FHIT: variants seen among roughly 807,000 people sequenced by gnomAD.
The protein encoded by FHIT is bis(5'-adenosyl)-triphosphatase.
A neutral mutation model predicts 17.9 loss-of-function variants in FHIT; 19 were observed. The observed-to-expected ratio is 1.06, with a 90% CI of 0.74 to 1.56. The LOEUF is 1.56. Ranked by LOEUF, FHIT falls within the 40% of genes most tolerant of loss-of-function variation. The pLI is 0.00. For synonymous variants in FHIT, 81 were observed against 69.7 expected (o/e 1.16, Z -0.81); for missense variants, 248 against 189.2 (o/e 1.31, Z -1.82).
intron 4 of FHIT, among the ~76,000 whole-genome samples, chr3:60,699,101 C>G (rs1261759070): frequency 6.6e-6 from 1 of 152,088 alleles, no homozygotes; most frequent in South Asian, 2.1e-4. Flanking sequence ...ATGGGTATCT[C>G]TGTGTGTGTA....
chr3:59,996,190 GTATT>G (rs780607195), intron 7 of FHIT, among the ~76,000 whole-genome samples: 56 of 152,092 alleles, frequency 3.7e-4, no homozygotes, highest in Non-Finnish European at 7.8e-4. Flanking sequence ...ACAGCAGGGG[GTATT>G]ATTATTCCAA....
rs1157024624 is a variant in FHIT, at chr3:60,722,707, C to CTTT, written c.-18+99209_-18+99211dup. 4.9e-3 allele frequency among the ~76,000 whole-genome samples: 516 copies of CTTT among 104,904 alleles called. 4 individuals are homozygous for CTTT. The highest frequency in any genetic ancestry group is 0.011 in the African/African-American group (289 of 27,242). The allele number at this position is 104,904 out of a possible 152,430, so 68.8% of individuals were successfully genotyped here. A position where few individuals can be genotyped will look rare whatever the true frequency, so the allele number is the denominator to read the frequency against. ...CTGGTTGAAAACTGTTACCTTAAAT[C>CTTT]TTTTTTTTTTTTTTTTTTTTTTTTA... On this transcript the variant is annotated intron_variant, in intron 4 of 9. Transcript: ENST00000492590.
chr3:60,656,335 T>C (rs2040114836), intron 4 of FHIT, among the ~76,000 whole-genome samples: 1 of 152,208 alleles, frequency 6.6e-6, no homozygotes. Context: ...TATTGTTTTC[T>C]ATATAAGCTG....
intron 5 of FHIT, among the ~76,000 whole-genome samples, chr3:60,313,847 A>G (rs1296743216): frequency 4.6e-5 from 7 of 152,360 alleles, no homozygotes; most frequent in African/African-American, 1.4e-4. Flanking sequence ...TGGCCCCAGA[A>G]AAGTCTTCAA....
intron 1 of FHIT, among the ~76,000 whole-genome samples, chr3:61,236,208 ATAT>A (rs1002162936): frequency 4.1e-5 from 6 of 148,022 alleles, no homozygotes; most frequent in Non-Finnish European, 7.4e-5. Flanking sequence ...ATAGTATATT[ATAT>A]TATATGTTAT....
chr3:60,143,092 T>C (rs1280465041), intron 5 of FHIT, among the ~76,000 whole-genome samples: 1 of 152,162 alleles, frequency 6.6e-6, no homozygotes, highest in Non-Finnish European at 1.5e-5. Context: ...GATTAAAATA[T>C]ACTAAATGCC....
At chr3:61,131,710 C>A (rs1337007084) in intron 2 of FHIT, among the ~76,000 whole-genome samples, 1 of 152,208 alleles carries the variant, frequency 6.6e-6, no homozygotes, top group Non-Finnish European at 1.5e-5. Flanking sequence ...ACAGCAACAT[C>A]CTGACAATTC....
At chr3:60,702,118 C>T (rs1178214382) in intron 4 of FHIT, among the ~76,000 whole-genome samples, 2 of 152,196 alleles carry the variant, frequency 1.3e-5, no homozygotes, top group Admixed American at 1.3e-4. Flanking sequence ...CCCATCTTGG[C>T]CTCCCAAAAT....
intron 5 of FHIT, among the ~76,000 whole-genome samples, chr3:60,383,109 G>A (rs922845955): frequency 1.3e-5 from 2 of 152,088 alleles, no homozygotes; most frequent in Non-Finnish European, 2.9e-5. Context: ...AAAATGAATT[G>A]GCATTGAAAA....
At chr3:60,288,514 G>A (rs2106641586) in intron 5 of FHIT, among the ~76,000 whole-genome samples, 1 of 152,008 alleles carries the variant, frequency 6.6e-6, no homozygotes, top group South Asian at 2.1e-4. Context: ...TCCAGCACTT[G>A]CTCCACGAAT....
intron 4 of FHIT, among the ~76,000 whole-genome samples, chr3:60,687,063 G>A (rs897670238): frequency 1.3e-5 from 2 of 152,172 alleles, no homozygotes; most frequent in African/African-American, 4.8e-5. Flanking sequence ...CATCTCATTT[G>A]TGGCAGTGAA....
In FHIT at chr3:61,146,350, T is replaced by A. The variant is rs541721240; in HGVS notation, c.-164+54267A>T. On this transcript the variant is annotated intron_variant, in intron 2 of 9. Transcript: ENST00000492590. The stretch of plus-strand genomic sequence containing the variant: ...TTACATACAAATTAACAGCCTACCA[T>A]CTGTCAAGTGTTGGGATAATCACAG... Among the ~76,000 whole-genome samples, 12 of 152,168 alleles carry A rather than the reference T, an allele frequency of 7.9e-5. No individual in the cohort carries two copies. In the East Asian group the frequency reaches 2.1e-3, roughly 27 times the overall value.
chr3:61,197,144 G>C (rs948615641), intron 2 of FHIT, among the ~76,000 whole-genome samples: 3 of 152,088 alleles, frequency 2.0e-5, no homozygotes, highest in African/African-American at 7.2e-5. Flanking sequence ...ATTTTCATCT[G>C]TTTAAGAAAT....
At chr3:60,965,941 G>A (rs1208506249) in intron 3 of FHIT, among the ~76,000 whole-genome samples, 1 of 152,154 alleles carries the variant, frequency 6.6e-6, no homozygotes, top group African/African-American at 2.4e-5. Flanking sequence ...CTCCGTGCTG[G>A]GAGAACCACT....
chr3:60,371,757 G>A (rs752090611), intron 5 of FHIT, among the ~76,000 whole-genome samples: 65 of 151,926 alleles, frequency 4.3e-4, no homozygotes, highest in Non-Finnish European at 7.9e-4. Context: ...CATTTGCAAA[G>A]GTAGCAGGAC....
intron 5 of FHIT, among the ~76,000 whole-genome samples, chr3:60,072,737 C>T (rs1421374366): frequency 1.3e-5 from 2 of 152,182 alleles, no homozygotes; most frequent in Non-Finnish European, 2.9e-5. Flanking sequence ...GCAGCATATA[C>T]CACTCTACAT....
intron 3 of FHIT, among the ~76,000 whole-genome samples, chr3:60,955,631 T>TACACAC (rs1240776824): frequency 8.6e-5 from 4 of 46,550 alleles, no homozygotes; most frequent in African/African-American, 3.5e-4. Flanking sequence ...TATATATATA[T>TACACAC]ATACACACAC....
At chr3:60,156,030 T>C (rs1374127245) in intron 5 of FHIT, among the ~76,000 whole-genome samples, 1 of 152,152 alleles carries the variant, frequency 6.6e-6, no homozygotes, top group East Asian at 1.9e-4. Context: ...ATTGGAACTG[T>C]TTCCTAGCTT....
chr3:61,042,055 T>C lies in FHIT; in HGVS notation c.-119A>G, dbSNP rs984963157. On this transcript the variant is annotated 5_prime_UTR_variant, in exon 3 of 10. Transcript: ENST00000492590. Reference sequence around the variant, plus strand: ...TTAAGAAATGGTTTTACCTTCTTTCTCTTTCTCTCCCTTCCACCGTCTGGA... The same window carrying C: ...TTAAGAAATGGTTTTACCTTCTTTCCCTTTCTCTCCCTTCCACCGTCTGGA... 3.3e-5 allele frequency: 5 copies of C among 152,240 alleles called. No individual in the cohort carries two copies. The highest frequency in any genetic ancestry group is 7.3e-5 in the Non-Finnish European group (5 of 68,050). The allele number at this position is 152,240 out of a possible 1,614,324, so 9.4% of individuals were successfully genotyped here.
Sources: gnomAD v4.1 joint callset for allele counts (sites outside exome capture counted in the v4.1 genomes callset) on GRCh38, gnomAD v4.1.1 for gene constraint, MANE v1.5 for transcripts, NCBI Gene and HGNC (gene_info 2026-07-23, HGNC 2026-07-21) for gene names.